Variants in CSMD1 observed in about 807,000 individuals in gnomAD.
CSMD1 encodes the protein CUB and sushi domain-containing protein 1.
Under a neutral mutation model 417.5 loss-of-function variants are expected in CSMD1, and 213 were observed. That is an observed-to-expected ratio of 0.51 (90% CI 0.46 to 0.57). The LOEUF is 0.57. Ranked by LOEUF, CSMD1 falls within the 20% of genes least tolerant of loss-of-function variation. The probability of loss-of-function intolerance (pLI) is 0.00; values close to 1 mark genes in which losing one functional copy is unlikely to be tolerated. For missense variants in CSMD1, 6,923 were observed against 4,529.7 expected, an observed-to-expected ratio of 1.53 and a Z score of -15.17; for synonymous variants, 2,862 against 1,736.8, an observed-to-expected ratio of 1.65 and a Z score of -16.11.
chr8:3,628,927 A>G (rs925609265), intron 7 of CSMD1, among the ~76,000 whole-genome samples: 3 of 152,294 alleles, frequency 2.0e-5, no homozygotes, highest in Admixed American at 2.0e-4. Context: ...AGAAGGAATA[A>G]AAAGAGTAGG....
intron 12 of CSMD1, among the ~76,000 whole-genome samples, chr8:3,447,877 G>A (rs535108960): frequency 2.7e-4 from 41 of 152,190 alleles, no homozygotes; most frequent in Middle Eastern, 3.4e-3. Context: ...GTTCCTCAAG[G>A]CCATGAACTG....
intron 5 of CSMD1, among the ~76,000 whole-genome samples, chr8:3,987,219 C>T (rs114343867): frequency 6.4e-4 from 98 of 152,286 alleles, no homozygotes; most frequent in African/African-American, 1.9e-3. Flanking sequence ...AACAGCAGCA[C>T]GCACTCTTCC....
intron 57 of CSMD1, among the ~76,000 whole-genome samples, chr8:2,969,268 T>A (rs890061650): frequency 6.6e-6 from 1 of 152,172 alleles, no homozygotes; most frequent in Non-Finnish European, 1.5e-5. Context: ...TCATCACTCT[T>A]ACTTATTGAG....
intron 10 of CSMD1, among the ~76,000 whole-genome samples, chr8:3,569,169 C>A (rs542232937): frequency 7.2e-5 from 11 of 152,078 alleles, no homozygotes; most frequent in Non-Finnish European, 1.2e-4. Context: ...TCTTGAGAGG[C>A]CTTTCATTTT....
In CSMD1 at chr8:4,947,882, G is replaced by A. The variant is rs540209072; in HGVS notation, c.85+46450C>T. 5.9e-5 allele frequency among the ~76,000 whole-genome samples: 9 copies of A among 152,048 alleles called. No homozygotes were observed. In the South Asian group the frequency reaches 1.7e-3, roughly 28 times the overall value. Reference sequence around the variant, plus strand: ...CAAAATATCATTTTGTGAACATATTGCAAGGTGTGCGTCCATTCTCCTGTA... The same window carrying A: ...CAAAATATCATTTTGTGAACATATTACAAGGTGTGCGTCCATTCTCCTGTA... On this transcript the variant is annotated intron_variant, in intron 1 of 69. Transcript: ENST00000635120.
intron 10 of CSMD1, among the ~76,000 whole-genome samples, chr8:3,549,936 C>T (rs185285409): frequency 6.6e-6 from 1 of 152,180 alleles, no homozygotes; most frequent in Non-Finnish European, 1.5e-5. Flanking sequence ...AAAGAAAATT[C>T]AGGCAATTGA....
In CSMD1 at chr8:3,419,207, C is replaced by CT. The variant is rs1424788297; in HGVS notation, c.1562-9603dup. ...TATCAAGTAACACATTTCTGAGCACCTAAGTGGTCATCCTCACAGAAGGAT... is the reference window on the plus strand; with the variant it reads ...TATCAAGTAACACATTTCTGAGCACCTTAAGTGGTCATCCTCACAGAAGGAT... On this transcript the variant is annotated intron_variant, in intron 12 of 69. Coordinates refer to ENST00000635120, the MANE Select transcript of CSMD1 (RefSeq NM_033225.6). 2.6e-5 allele frequency among the ~76,000 whole-genome samples: 4 copies of CT among 152,168 alleles called. No homozygotes were observed. In the East Asian group the frequency reaches 7.7e-4, roughly 29 times the overall value.
At chr8:2,975,007 G>C (rs1176723808) in intron 55 of CSMD1, among the ~76,000 whole-genome samples, 1 of 152,116 alleles carries the variant, frequency 6.6e-6, no homozygotes, top group Non-Finnish European at 1.5e-5. Flanking sequence ...CTATTTCCAC[G>C]ATGTTTTCAG....
chr8:4,781,596 A>T (rs1797155410), intron 1 of CSMD1, among the ~76,000 whole-genome samples: 1 of 152,230 alleles, frequency 6.6e-6, no homozygotes, highest in Non-Finnish European at 1.5e-5. Context: ...TTTCAAATCT[A>T]GTCTTTTGTC....
intron 23 of CSMD1, among the ~76,000 whole-genome samples, chr8:3,336,335 T>C (rs1329419205): frequency 6.6e-6 from 1 of 152,192 alleles, no homozygotes; most frequent in Non-Finnish European, 1.5e-5. Context: ...ATTGTAGGCA[T>C]TCCTATGCCA....
At chr8:4,788,489 G>C (rs927515225) in intron 1 of CSMD1, 4 of 1,341,270 alleles carry the variant, frequency 3.0e-6, no homozygotes, top group South Asian at 2.4e-5. Flanking sequence ...ATTTGGGGTA[G>C]ACAACCATTT....
At chr8:3,331,064 C>G (rs1014774292) in intron 23 of CSMD1, among the ~76,000 whole-genome samples, 1 of 151,948 alleles carries the variant, frequency 6.6e-6, no homozygotes, top group African/African-American at 2.4e-5. Flanking sequence ...CAGTGAAACC[C>G]CATCTCTACT....
Position 4,370,712 on chromosome 8 carries a change from G to C in CSMD1, c.415+49241C>G, listed in dbSNP as rs370791297. The stretch of plus-strand genomic sequence containing the variant: ...AGACCTGAGATTCTTTCCTCAGCTC[G>C]GTCTGTTATACAGTTAATGTCACCA... On this transcript the variant is annotated intron_variant, in intron 3 of 69. Transcript: ENST00000635120. Among the ~76,000 whole-genome samples, 3 of 152,062 alleles carry C rather than the reference G, an allele frequency of 2.0e-5. No individual in the cohort carries two copies. The South Asian group carries it at 6.2e-4, about 32-fold the overall frequency.
At chr8:3,806,168 A>T (rs982775211) in intron 5 of CSMD1, among the ~76,000 whole-genome samples, 1 of 152,158 alleles carries the variant, frequency 6.6e-6, no homozygotes, top group African/African-American at 2.4e-5. Flanking sequence ...CCCATCATAT[A>T]AGATACCTTG....
chr8:3,844,994 C>A (rs903097127), intron 5 of CSMD1, among the ~76,000 whole-genome samples: 2 of 152,114 alleles, frequency 1.3e-5, no homozygotes, highest in Non-Finnish European at 2.9e-5. Context: ...ACTGCACAAA[C>A]TTTAAAAGTT....
intron 3 of CSMD1, among the ~76,000 whole-genome samples, chr8:4,216,910 G>C (rs1434934487): frequency 2.6e-5 from 4 of 152,118 alleles, no homozygotes; most frequent in African/African-American, 9.7e-5. Context: ...TTGATTTCCA[G>C]CATCCCTTTC....
At chr8:4,756,433 C>A (rs950991587) in intron 1 of CSMD1, among the ~76,000 whole-genome samples, 1 of 152,086 alleles carries the variant, frequency 6.6e-6, no homozygotes, top group Non-Finnish European at 1.5e-5. Flanking sequence ...TCATGACAGT[C>A]CAGTTTCCTA....
chr8:4,011,362 C>G lies in CSMD1; in HGVS notation c.611-13252G>C, dbSNP rs541745799. Among the ~76,000 whole-genome samples the G allele has an allele frequency of 1.7e-3, 257 of 152,310 alleles. 1 individual carries two copies. Among genetic ancestry groups the G allele is most frequent in the Non-Finnish European group, 3.1e-3 (208 of 68,022 alleles). On this transcript the variant is annotated intron_variant, in intron 4 of 69. Coordinates refer to ENST00000635120, the MANE Select transcript of CSMD1 (RefSeq NM_033225.6). ...TTCAAAAACAATGTTATAGACTTTT[C>G]TTTTGATTCCATGTCTGCTTCCAGA...
At chr8:3,509,425 T>C (rs1796970332) in intron 10 of CSMD1, among the ~76,000 whole-genome samples, 1 of 152,182 alleles carries the variant, frequency 6.6e-6, no homozygotes, top group Non-Finnish European at 1.5e-5. Context: ...CTCAGGACAA[T>C]GTTTTGGTGA....
Sources: gnomAD v4.1 joint callset for allele counts (sites outside exome capture counted in the v4.1 genomes callset) on GRCh38, gnomAD v4.1.1 for gene constraint, MANE v1.5 for transcripts, NCBI Gene and HGNC (gene_info 2026-07-23, HGNC 2026-07-21) for gene names.